Variants in EPS8 observed in about 807,000 individuals in gnomAD.
EPS8 encodes the protein EGFR pathway substrate 8, signaling adaptor, also known as epidermal growth factor receptor kinase substrate 8.
Under a neutral mutation model 103.8 loss-of-function variants are expected in EPS8, and 42 were observed. That is an observed-to-expected ratio of 0.40 (90% CI 0.32 to 0.52). The LOEUF is 0.52. Ranked by LOEUF, EPS8 falls within the 20% of genes least tolerant of loss-of-function variation. The pLI, the probability that EPS8 is intolerant of heterozygous loss-of-function variation, is 0.40. For synonymous variants in EPS8, 344 were observed against 344.6 expected, an observed-to-expected ratio of 1.00 and a Z score of 0.02; for missense variants, 969 against 1,005.1, an observed-to-expected ratio of 0.96 and a Z score of 0.49.
chr12:15,653,414 A>G (rs1370754166), intron 13 of EPS8, among the ~76,000 whole-genome samples: 2 of 152,062 alleles, frequency 1.3e-5, no homozygotes, highest in African/African-American at 2.4e-5. Context: ...TCATCTCTAT[A>G]TGCTCATTTT....
intron 6 of EPS8, among the ~76,000 whole-genome samples, chr12:15,669,014 C>G (rs999028865): frequency 6.6e-6 from 1 of 152,204 alleles, no homozygotes; most frequent in East Asian, 1.9e-4. Context: ...CCTTAGCCAA[C>G]TGAGTAGCTG....
rs377346206 is a variant in EPS8, at chr12:15,738,925, C to G, written c.-22+50236G>C. Among the ~76,000 whole-genome samples, 8 of 152,314 alleles carry G rather than the reference C, an allele frequency of 5.3e-5. No homozygotes were observed. Among genetic ancestry groups the G allele is most frequent in the African/African-American group, 1.9e-4 (8 of 41,578 alleles). On this transcript the variant is annotated intron_variant, in intron 1 of 20. Coordinates refer to ENST00000281172, the MANE Select transcript of EPS8 (RefSeq NM_004447.6). This position sits in a 1 kb window ranked among gnomAD's most constrained non-coding sequence, Gnocchi z 6.2. Reference sequence around the variant, plus strand: ...TCTACCAAACCTGAGACACGACTCTCAAGAGACTTTCATTTGGTCTTATTC... The same window carrying G: ...TCTACCAAACCTGAGACACGACTCTGAAGAGACTTTCATTTGGTCTTATTC...
Position 15,728,434 on chromosome 12 carries a change from C to CG in EPS8, c.-21-45463dup, listed in dbSNP as rs1946678573. ...TGGCCCTTTTAAGAACACTGGATCC[C>CG]GACTCATGGAAGGGTCATCTGTTCC... On this transcript the variant is annotated intron_variant, in intron 1 of 20. Transcript: ENST00000281172. The surrounding 1 kb of genome is among the most constrained non-coding windows in gnomAD (Gnocchi z 4.5). Among the ~76,000 whole-genome samples the CG allele has an allele frequency of 6.6e-6, 1 of 152,084 alleles. No homozygotes were observed. The highest frequency in any genetic ancestry group is 2.1e-4 in the South Asian group (1 of 4,820).
At position 15,693,872 on chromosome 12, in the gene EPS8, A is replaced by C. The variant is rs1362552496; in HGVS notation, c.-21-10900T>G. Among the ~76,000 whole-genome samples the C allele has an allele frequency of 6.6e-6, 1 of 152,176 alleles. No individual in the cohort carries two copies. Among genetic ancestry groups the C allele is most frequent in the Non-Finnish European group, 1.5e-5 (1 of 68,026 alleles). ...ACACATGGACACAGGGAGGGGAAAA[A>C]ATACACACCAAGGCCTGTCAGATGG... On this transcript the variant is annotated intron_variant, in intron 1 of 20. Transcript: ENST00000281172. This position sits in a 1 kb window ranked among gnomAD's most constrained non-coding sequence, Gnocchi z 5.6.
rs1181492225 is a variant in EPS8 at position 15,700,525 on chromosome 12, A to C, written c.-21-17553T>G. On this transcript the variant is annotated intron_variant, in intron 1 of 20. Coordinates refer to ENST00000281172, the MANE Select transcript of EPS8 (RefSeq NM_004447.6). The surrounding 1 kb of genome is among the most constrained non-coding windows in gnomAD (Gnocchi z 5.1). The stretch of plus-strand genomic sequence containing the variant: ...TTGGTGTGAAAACAGAAACTAATTT[A>C]GAAGTATAGAATTAAATTGAAAATT... 2.6e-5 allele frequency among the ~76,000 whole-genome samples: 4 copies of C among 152,244 alleles called. No individual in the cohort carries two copies. Among genetic ancestry groups the C allele is most frequent in the Non-Finnish European group, 4.4e-5 (3 of 68,040 alleles).
rs1946499394 is a variant in EPS8, at chr12:15,713,936, T to G, written c.-21-30964A>C. The stretch of plus-strand genomic sequence containing the variant: ...CTTATTTGTATGAGAATCTCCTAGG[T>G]AAAAAAATTAAGAATCTCCAATCTA... On this transcript the variant is annotated intron_variant, in intron 1 of 20. Transcript: ENST00000281172. This position sits in a 1 kb window ranked among gnomAD's most constrained non-coding sequence, Gnocchi z 4.8. 6.6e-6 allele frequency among the ~76,000 whole-genome samples: 1 copy of G among 152,060 alleles called. No homozygotes were observed. The highest frequency in any genetic ancestry group is 6.6e-5 in the Admixed American group (1 of 15,256).
intron 2 of EPS8, among the ~76,000 whole-genome samples, chr12:15,681,655 G>C (rs747871685): frequency 6.7e-6 from 1 of 150,030 alleles, no homozygotes; most frequent in African/African-American, 2.5e-5. Flanking sequence ...GCATGAACCC[G>C]GGAGGTGGAG....
chr12:15,626,127 T>G (rs537472670), intron 18 of EPS8, among the ~76,000 whole-genome samples: 1 of 152,310 alleles, frequency 6.6e-6, no homozygotes, highest in Non-Finnish European at 1.5e-5. Flanking sequence ...GGAGCTGCAC[T>G]TGATTCCTGT....
chr12:15,770,494 G>A (rs1187740367), intron 1 of EPS8, among the ~76,000 whole-genome samples: 1 of 152,002 alleles, frequency 6.6e-6, no homozygotes, highest in East Asian at 1.9e-4. Context: ...CAAAAATCTT[G>A]AAAATTGTGC....
rs977573812 is a variant in EPS8 at position 15,702,312 on chromosome 12, A to C, written c.-21-19340T>G. 6.6e-6 allele frequency among the ~76,000 whole-genome samples: 1 copy of C among 152,214 alleles called. No homozygotes were observed. The highest frequency in any genetic ancestry group is 2.4e-5 in the African/African-American group (1 of 41,460). On this transcript the variant is annotated intron_variant, in intron 1 of 20. Transcript: ENST00000281172. The surrounding 1 kb of genome is among the most constrained non-coding windows in gnomAD (Gnocchi z 5.1). ...GTATCATCCTATTTCCTTAAAATCT[A>C]TCGTTTACACAGGCGACAAGGTGAA...
At position 15,752,758 on chromosome 12, in the gene EPS8, A is replaced by T. The variant is rs1230300341; in HGVS notation, c.-22+36403T>A. 6.6e-6 allele frequency among the ~76,000 whole-genome samples: 1 copy of T among 152,152 alleles called. No homozygotes were observed. Among genetic ancestry groups the T allele is most frequent in the African/African-American group, 2.4e-5 (1 of 41,422 alleles). On this transcript the variant is annotated intron_variant, in intron 1 of 20. Transcript: ENST00000281172. The surrounding 1 kb of genome is among the most constrained non-coding windows in gnomAD (Gnocchi z 4.4). ...TGATGTTGGTCATGATAAAAATAGT[A>T]GGAAAATTAATTGTAATAACAGTAA...
rs190644567 is a variant in EPS8 at position 15,701,588 on chromosome 12, A to G, written c.-21-18616T>C. Among the ~76,000 whole-genome samples the G allele has an allele frequency of 5.1e-4, 77 of 152,350 alleles. No homozygotes were observed. The highest frequency in any genetic ancestry group is 1.8e-3 in the African/African-American group (75 of 41,582). Reference sequence around the variant, plus strand: ...TGTCCTTCTCATCCATTAGTTTAAAATTTTTAATGTAACTAATTATATCAA... The same window carrying G: ...TGTCCTTCTCATCCATTAGTTTAAAGTTTTTAATGTAACTAATTATATCAA... On this transcript the variant is annotated intron_variant, in intron 1 of 20. Transcript: ENST00000281172. This position sits in a 1 kb window ranked among gnomAD's most constrained non-coding sequence, Gnocchi z 5.1.
rs186818674 is a variant in EPS8, at chr12:15,705,921, A to G, written c.-21-22949T>C. Among the ~76,000 whole-genome samples the G allele has an allele frequency of 3.9e-5, 6 of 151,976 alleles. 1 individual carries two copies. The East Asian group carries it at 1.2e-3, about 29-fold the overall frequency. On this transcript the variant is annotated intron_variant, in intron 1 of 20. Coordinates refer to ENST00000281172, the MANE Select transcript of EPS8 (RefSeq NM_004447.6). Reference sequence around the variant, plus strand: ...TTGATATCATTAACTAAAGTTCACTAAAGTTTAAGCTTATGTAAAACATAC... The same window carrying G: ...TTGATATCATTAACTAAAGTTCACTGAAGTTTAAGCTTATGTAAAACATAC...
chr12:15,758,724 T>TAC (rs1947012527), intron 1 of EPS8, among the ~76,000 whole-genome samples: 1 of 152,212 alleles, frequency 6.6e-6, no homozygotes, highest in South Asian at 2.1e-4. Context: ...ATAGACTGTA[T>TAC]AGCTGATAAT....
intron 17 of EPS8, among the ~76,000 whole-genome samples, chr12:15,636,346 T>A (rs1240394602): frequency 2.0e-5 from 3 of 152,256 alleles, no homozygotes; most frequent in Admixed American, 6.5e-5. Context: ...TGTGTCAATA[T>A]CTTTTGTAAA....
chr12:15,638,677 A>C (rs1945178648), intron 17 of EPS8, among the ~76,000 whole-genome samples: 2 of 152,380 alleles, frequency 1.3e-5, no homozygotes, highest in South Asian at 4.1e-4. Context: ...TAGCAAAACA[A>C]ACTCCTGAAA....
At position 15,753,530 on chromosome 12, in the gene EPS8, C is replaced by T. The variant is rs139774849; in HGVS notation, c.-22+35631G>A. Among the ~76,000 whole-genome samples the T allele has an allele frequency of 2.4e-3, 370 of 151,936 alleles. 1 individual carries two copies. Among genetic ancestry groups the T allele is most frequent in the Non-Finnish European group, 4.3e-3 (292 of 68,024 alleles). ...AATCCAGGGACAAAAGCATAAGTCG[C>T]ATCAGATTCAGTGGATATATTTCCA... On this transcript the variant is annotated intron_variant, in intron 1 of 20. Transcript: ENST00000281172.
chr12:15,645,673 A>G (rs905201156), intron 15 of EPS8, among the ~76,000 whole-genome samples: 7 of 152,146 alleles, frequency 4.6e-5, no homozygotes, highest in Admixed American at 6.5e-5. Flanking sequence ...TCCATCAGTA[A>G]TACTATCCCT....
At chr12:15,722,570 C>T (rs552353108) in intron 1 of EPS8, among the ~76,000 whole-genome samples, 1 of 152,178 alleles carries the variant, frequency 6.6e-6, no homozygotes, top group Non-Finnish European at 1.5e-5. Context: ...CGAGATGTTA[C>T]ACCAACTTAC....
Sources: gnomAD v4.1 joint callset for allele counts (sites outside exome capture counted in the v4.1 genomes callset) on GRCh38, gnomAD v4.1.1 for gene constraint, Gnocchi (gnomAD v3.1) non-coding constraint, MANE v1.5 for transcripts, NCBI Gene and HGNC (gene_info 2026-07-23, HGNC 2026-07-21) for gene names.